ARMCX4: variants seen among roughly 807,000 people sequenced by gnomAD.
The protein encoded by ARMCX4 is armadillo repeat-containing X-linked protein 4.
ARMCX4 carries 3 observed loss-of-function variants against 34.7 expected under a neutral mutation model. The observed-to-expected ratio is 0.09, with a 90% CI of 0.04 to 0.22. The LOEUF (loss-of-function observed/expected upper bound fraction) is 0.22, where lower values mean the gene tolerates loss of function less well. Ranked by LOEUF, ARMCX4 falls within the 10% of genes least tolerant of loss-of-function variation. ARMCX4 has a pLI of 1.00. For synonymous variants in ARMCX4, 513 were observed against 632.8 expected (o/e 0.81, Z 2.84); for missense variants, 1,448 against 1,720.8 (o/e 0.84, Z 2.81).
intron 2 of ARMCX4, among the ~76,000 whole-genome samples, chrX:101,438,828 T>C (rs1555995886): frequency 9.0e-6 from 1 of 111,161 alleles, no homozygotes; most frequent in Non-Finnish European, 1.9e-5. Flanking sequence ...GCTTGGTAGA[T>C]CTTCCTCCAT....
chrX:101,442,280 T>C (rs1434746732), intron 2 of ARMCX4, among the ~76,000 whole-genome samples: 3 of 112,014 alleles, frequency 2.7e-5, no homozygotes, highest in East Asian at 5.6e-4. Flanking sequence ...GAATGAAATC[T>C]GCTTGCTGTG....
At position 101,489,210 on chromosome X, in the gene ARMCX4, T is replaced by C; in HGVS notation, c.621T>C (p.Val207=). 3.5e-6 allele frequency: 4 copies of C among 1,154,411 alleles called. No homozygotes were observed. The highest frequency in any genetic ancestry group is 4.6e-6 in the Non-Finnish European group (4 of 871,878). The change falls in exon 6 of 6, where the codon GTT becomes GTC. Residue 207 remains valine, a synonymous_variant. Transcript: ENST00000423738. ...EKETEINRVM[V]TQSETLAVPR... ...AGACAGAGATTAACAGAGTAATGGT[T>C]ACACAGAGTGAGACCTTGGCAGTAC...
upstream of ARMCX4, among the ~76,000 whole-genome samples, chrX:101,482,890 C>CTTTTTT (rs36075508): frequency 3.7e-4 from 20 of 54,740 alleles, no homozygotes; most frequent in Admixed American, 5.5e-4. Flanking sequence ...TTGCGTCAGG[C>CTTTTTT]TTTTTTTTTT....
chrX:101,487,716 T>G (rs1172188387), intron 4 of ARMCX4, 25 bp downstream of exon 4: 6 of 855,324 alleles, frequency 7.0e-6, no homozygotes, highest in African/African-American at 2.1e-5. Flanking sequence ...ACTGCCTGGG[T>G]AGACCTCTAG....
intron 2 of ARMCX4, among the ~76,000 whole-genome samples, chrX:101,431,719 A>G (rs1377682610): frequency 2.7e-5 from 3 of 110,338 alleles, no homozygotes; most frequent in Non-Finnish European, 1.9e-5. Context: ...AATTTTTTGT[A>G]TTTTTAATAG....
chrX:101,435,279 T>C (rs1421273612), intron 2 of ARMCX4, among the ~76,000 whole-genome samples: 1 of 111,410 alleles, frequency 9.0e-6, no homozygotes, highest in African/African-American at 3.3e-5. Flanking sequence ...TCCTATTTCT[T>C]CACATCCTCT....
rs868943503 is a variant in ARMCX4, at chrX:101,430,785, T to C, written n.164+11785T>C. Among the ~76,000 whole-genome samples the C allele has an allele frequency of 3.6e-5, 4 of 112,266 alleles. No individual in the cohort carries two copies. In the South Asian group the frequency reaches 1.5e-3, roughly 42 times the overall value. On this transcript the variant is annotated intron_variant and non_coding_transcript_variant, in intron 2 of 3. Transcript: ENST00000430461. ...CATTGACTCTTTGCTAGACATTGTG[T>C]GAGGGGTTGTTGTTGATGCTAGAGT...
At chrX:101,515,356 T>TTTCTTTCTTTCTTTCTTTCTTTCTTTCC (rs1556017416) in intron 11 of ARMCX4, among the ~76,000 whole-genome samples, 7 of 27,103 alleles carry the variant, frequency 2.6e-4, no homozygotes, top group African/African-American at 7.4e-4. Context: ...TCTTTCTTTC[T>TTTCTTTCTTTCTTTCTTTCTTTCTTTCC]TTCTTTCTTT....
At position 101,488,671 on chromosome X, in the gene ARMCX4, A is replaced by G. The variant is rs1933855171; in HGVS notation, c.82A>G (p.Thr28Ala). 8.6e-7 allele frequency: 1 copy of G among 1,156,261 alleles called. No individual in the cohort carries two copies. Residue 28 changes from threonine (T) to alanine (A), a missense_variant, in exon 6 of 6, where the codon ACC becomes GCC. Transcript: ENST00000423738. ...CACCTGCTACTACATTTACAAATTT[A>G]CCAAGGGAAGAGCCCAGAGTGTGAG... ...AGTCYYIYKF[T>A]KGRAQSVRTL...
intron 11 of ARMCX4, among the ~76,000 whole-genome samples, chrX:101,523,811 T>C (rs1934904650): frequency 8.9e-6 from 1 of 112,346 alleles, no homozygotes; most frequent in Admixed American, 9.5e-5. Context: ...AATAACTCTG[T>C]TTTTTTCTCC....
At chrX:101,437,126 T>C (rs1305983191) in intron 2 of ARMCX4, among the ~76,000 whole-genome samples, 3 of 111,657 alleles carry the variant, frequency 2.7e-5, no homozygotes, top group Non-Finnish European at 5.6e-5. Flanking sequence ...TGTGTCTCTG[T>C]CAGGCTTTGG....
chrX:101,477,749 A>G (rs1933264254), intron 4 of ARMCX4, among the ~76,000 whole-genome samples: 1 of 111,310 alleles, frequency 9.0e-6, no homozygotes, highest in Admixed American at 9.6e-5. Context: ...AAAATGTAAA[A>G]CCAGATATTA....
At chrX:101,440,081 C>T (rs1931157173) in intron 2 of ARMCX4, among the ~76,000 whole-genome samples, 4 of 110,931 alleles carry the variant, frequency 3.6e-5, no homozygotes, top group Admixed American at 9.6e-5. Flanking sequence ...AGTTTTTCTG[C>T]TCTGTTTTTT....
chrX:101,512,690 A>G (rs1238053345), intron 11 of ARMCX4, among the ~76,000 whole-genome samples: 1 of 108,874 alleles, frequency 9.2e-6, no homozygotes, highest in Non-Finnish European at 1.9e-5. Context: ...ATAAATGCAT[A>G]TGTTGTATTC....
intron 4 of ARMCX4, among the ~76,000 whole-genome samples, chrX:101,480,123 GACACACACACACACACAC>G (rs57237822): frequency 8.1e-4 from 62 of 76,691 alleles, no homozygotes; most frequent in Admixed American, 3.1e-3. Flanking sequence ...AGGATTTGGA[GACACACACACACACACAC>G]ACACACACAC....
chrX:101,520,884 TC>T lies in ARMCX4; in HGVS notation c.*1780+9830del, dbSNP rs1384043953. Among the ~76,000 whole-genome samples, 19 of 70,835 alleles carry T rather than the reference TC, an allele frequency of 2.7e-4. No individual in the cohort carries two copies. In the East Asian group the frequency reaches 5.8e-3, roughly 21 times the overall value. 61.5% of individuals were successfully genotyped at this position (70,835 alleles called of 115,157 possible). On this transcript the variant is annotated intron_variant and NMD_transcript_variant, in intron 11 of 12. Transcript: ENST00000354842. ...GTGAAGCCGTTTGGTCCTGGAATTT[TC>T]TTTATGAGGTTTTTTTTTAAAAAAA... is the stretch of plus-strand genomic sequence containing the variant.
intron 4 of ARMCX4, among the ~76,000 whole-genome samples, chrX:101,457,740 C>T (rs1476317613): frequency 9.1e-6 from 1 of 109,733 alleles, no homozygotes; most frequent in East Asian, 3.0e-4. Context: ...ACAAACAAAA[C>T]CCCCCAAACC....
intron 2 of ARMCX4, among the ~76,000 whole-genome samples, chrX:101,439,310 C>A (rs1388099817): frequency 1.1e-3 from 122 of 111,859 alleles, no homozygotes; most frequent in African/African-American, 3.7e-3. Context: ...CCACTCTCTT[C>A]TGGCTTGTAG....
At chrX:101,433,043 C>CATATGTAT (rs1569315067) in intron 2 of ARMCX4, among the ~76,000 whole-genome samples, 4 of 109,087 alleles carry the variant, frequency 3.7e-5, no homozygotes, top group Admixed American at 9.7e-5. Context: ...TGTATATACA[C>CATATGTAT]ACATATGTAT....
Sources: allele counts gnomAD v4.1 joint callset (sites outside exome capture counted in the v4.1 genomes callset), GRCh38; gene constraint gnomAD v4.1.1; transcripts MANE v1.5; gene names NCBI Gene and HGNC (gene_info 2026-07-23, HGNC 2026-07-21).